Variants in TEAD1 observed in about 807,000 individuals in gnomAD.
TEAD1 encodes TEA domain transcription factor 1, also known as transcriptional enhancer factor TEF-1.
TEAD1 carries 9 observed loss-of-function variants against 54.9 expected under a neutral mutation model. The ratio of observed to expected loss-of-function variants is 0.16; its 90% CI spans 0.10 to 0.29. TEAD1 has a LOEUF of 0.29. TEAD1 is among the 10% of genes least tolerant of loss of function. TEAD1 has a pLI of 1.00. For synonymous variants in TEAD1, 200 were observed against 187.8 expected, an observed-to-expected ratio of 1.07 and a Z score of -0.53; for missense variants, 387 against 535.9, an observed-to-expected ratio of 0.72 and a Z score of 2.74.
chr11:12,931,166 T>C (rs1163793618), intron 12 of TEAD1, among the ~76,000 whole-genome samples: 1 of 152,192 alleles, frequency 6.6e-6, no homozygotes. Context: ...TCAAGGTCCA[T>C]GATGGGAAAA....
At chr11:12,795,014 C>T (rs1945885466) in intron 3 of TEAD1, among the ~76,000 whole-genome samples, 1 of 152,174 alleles carries the variant, frequency 6.6e-6, no homozygotes, top group Non-Finnish European at 1.5e-5. Context: ...GCTGCCATAA[C>T]ACAATAGTGT....
intron 2 of TEAD1, among the ~76,000 whole-genome samples, chr11:12,733,236 C>T (rs531309357): frequency 6.6e-6 from 1 of 152,284 alleles, no homozygotes; most frequent in East Asian, 1.9e-4. Flanking sequence ...CCCAGCGGCC[C>T]CTAGGTAGAG....
intron 3 of TEAD1, among the ~76,000 whole-genome samples, chr11:12,812,663 A>G (rs1279077993): frequency 6.6e-6 from 1 of 152,242 alleles, no homozygotes; most frequent in East Asian, 1.9e-4. Context: ...AGAAGGCTTA[A>G]TACAGGAGAT....
At chr11:12,871,994 C>T (rs536442996) in intron 5 of TEAD1, among the ~76,000 whole-genome samples, 2 of 152,240 alleles carry the variant, frequency 1.3e-5, no homozygotes, top group East Asian at 1.9e-4. Context: ...TGTGCTCCCC[C>T]GGGGCCATTT....
intron 3 of TEAD1, among the ~76,000 whole-genome samples, chr11:12,809,974 CTTTTTTTTTT>C (rs55647097): frequency 1.6e-3 from 190 of 115,618 alleles, no homozygotes; most frequent in African/African-American, 1.7e-3. Context: ...TTTCCCCATT[CTTTTTTTTTT>C]TTTTTTTTTT....
intron 5 of TEAD1, chr11:12,865,212 T>A: frequency 2.6e-6 from 1 of 378,168 alleles, no homozygotes; most frequent in Non-Finnish European, 4.9e-6. Context: ...TTTTTTTTTT[T>A]AACCTTCAGA....
chr11:12,759,412 T>C (rs2133919302), intron 2 of TEAD1, among the ~76,000 whole-genome samples: 1 of 147,966 alleles, frequency 6.8e-6, no homozygotes, highest in East Asian at 1.9e-4. Flanking sequence ...GGGAATGTGG[T>C]TGTTGAGGCA....
intron 2 of TEAD1, among the ~76,000 whole-genome samples, chr11:12,715,163 T>C (rs1179693451): frequency 1.3e-5 from 2 of 152,084 alleles, no homozygotes; most frequent in African/African-American, 2.4e-5. Flanking sequence ...CAGTTTCTGT[T>C]TGGGACCCAT....
At chr11:12,835,208 A>G (rs908645402) in intron 3 of TEAD1, among the ~76,000 whole-genome samples, 4 of 152,128 alleles carry the variant, frequency 2.6e-5, no homozygotes, top group African/African-American at 9.7e-5. Context: ...GGCCACTGTG[A>G]TAGAATTTGA....
chr11:12,800,030 A>G (rs116641444), intron 3 of TEAD1, among the ~76,000 whole-genome samples: 1 of 152,302 alleles, frequency 6.6e-6, no homozygotes, highest in South Asian at 2.1e-4. Flanking sequence ...GTCCAGGGGA[A>G]TAAGTGCATA....
chr11:12,807,439 G>T (rs1053455780), intron 3 of TEAD1, among the ~76,000 whole-genome samples: 1 of 152,152 alleles, frequency 6.6e-6, no homozygotes, highest in Admixed American at 6.5e-5. Context: ...TTTTGCTCCT[G>T]GCTCTGCCAC....
chr11:12,858,206 C>T (rs569235692), intron 3 of TEAD1, among the ~76,000 whole-genome samples: 1 of 152,148 alleles, frequency 6.6e-6, no homozygotes, highest in African/African-American at 2.4e-5. Flanking sequence ...ATATACAATC[C>T]CAAACAGCCA....
intron 10 of TEAD1, chr11:12,922,892 C>G (rs1948835641): frequency 7.4e-6 from 1 of 134,272 alleles, no homozygotes; most frequent in Non-Finnish European, 1.5e-5. Flanking sequence ...ACCAGTGATT[C>G]CAGCCTAGAC....
rs1948819362 is a variant in TEAD1, at chr11:12,922,188, T to TTCTC, written c.874-2722_874-2719dup. Among the ~76,000 whole-genome samples the TTCTC allele has an allele frequency of 2.7e-5, 3 of 112,028 alleles. 1 individual carries two copies. The South Asian group carries it at 7.8e-4, about 29-fold the overall frequency. The allele number at this position is 112,028 out of a possible 152,430, so 73.5% of individuals were successfully genotyped here. A position where few individuals can be genotyped will look rare whatever the true frequency, so the allele number is the denominator to read the frequency against. ...GAAAAGGGGAATGTGGAGTACATGGTTCTCTTTTTTTTTTTTTTTTTTTTT... is the reference window on the plus strand; with the variant it reads ...GAAAAGGGGAATGTGGAGTACATGGTTCTCTCTCTTTTTTTTTTTTTTTTTTTTT... On this transcript the variant is annotated intron_variant, in intron 10 of 12. Coordinates refer to ENST00000527636, the MANE Select transcript of TEAD1 (RefSeq NM_021961.6).
At chr11:12,773,179 CAAGGG>C (rs1945347470) in intron 3 of TEAD1, among the ~76,000 whole-genome samples, 1 of 152,166 alleles carries the variant, frequency 6.6e-6, no homozygotes, top group East Asian at 1.9e-4. Flanking sequence ...TTCTGCTGTT[CAAGGG>C]CATCTGGGCT....
chr11:12,771,435 G>A (rs1333927159), intron 3 of TEAD1, among the ~76,000 whole-genome samples: 1 of 152,220 alleles, frequency 6.6e-6, no homozygotes, highest in Non-Finnish European at 1.5e-5. Flanking sequence ...CTGGTAGGAG[G>A]AGGGAGTTTC....
intron 2 of TEAD1, among the ~76,000 whole-genome samples, chr11:12,734,117 T>C (rs982043772): frequency 2.0e-5 from 3 of 152,226 alleles, no homozygotes; most frequent in African/African-American, 7.2e-5. Flanking sequence ...GATCTTGCCA[T>C]GTTGCCCAGG....
At position 12,770,898 on chromosome 11, in the gene TEAD1, A is replaced by G. The variant is rs572219303; in HGVS notation, c.202+6464A>G. 2.9e-4 allele frequency among the ~76,000 whole-genome samples: 44 copies of G among 152,352 alleles called. 1 individual carries two copies. The South Asian group carries it at 8.9e-3, about 31-fold the overall frequency. On this transcript the variant is annotated intron_variant, in intron 3 of 12. Transcript: ENST00000527636. ...GACTTAGCTAACTTTGAACTTTGGG[A>G]AAAAGATCATGTAGCGGTTTTTAAA...
chr11:12,701,507 C>CTTGAAGTCTTACCTGAGTGAAGGG (rs1943700680), intron 2 of TEAD1, among the ~76,000 whole-genome samples: 1 of 152,072 alleles, frequency 6.6e-6, no homozygotes, highest in African/African-American at 2.4e-5. Flanking sequence ...ATGCTGTTAT[C>CTTGAAGTCTTACCTGAGTGAAGGG]TTGAAGTCTT....
Sources: allele counts gnomAD v4.1 joint callset (sites outside exome capture counted in the v4.1 genomes callset), GRCh38; gene constraint gnomAD v4.1.1; transcripts MANE v1.5; gene names NCBI Gene and HGNC (gene_info 2026-07-23, HGNC 2026-07-21).